PLEKHA7: variants seen among roughly 807,000 people sequenced by gnomAD.
PLEKHA7 encodes the protein pleckstrin homology domain-containing family A member 7.
In PLEKHA7, 104 loss-of-function variants were observed where a neutral mutation model predicts 170.0. That is an observed-to-expected ratio of 0.61 (90% confidence interval 0.52 to 0.72). PLEKHA7 has a LOEUF of 0.72. PLEKHA7 is among the 30% of genes least tolerant of loss of function. The pLI is 0.00. For synonymous variants in PLEKHA7, 648 were observed against 660.8 expected (o/e 0.98, Z 0.30); for missense variants, 1,615 against 1,671.7 (o/e 0.97, Z 0.59).
chr11:16,911,331 G>T (rs2136156312), intron 3 of PLEKHA7, among the ~76,000 whole-genome samples: 1 of 152,314 alleles, frequency 6.6e-6, no homozygotes, highest in South Asian at 2.1e-4. Flanking sequence ...GGCCAGCCAT[G>T]AGACAGAAGC....
At chr11:16,788,534 G>T in intron 23 of PLEKHA7, 5 of 156,036 alleles carry the variant, frequency 3.2e-5, no homozygotes, top group Admixed American at 6.4e-5. Flanking sequence ...GGTGACTGTG[G>T]ACAGGGCGCA....
At chr11:16,798,474 A>G (rs1848385419) in intron 17 of PLEKHA7, among the ~76,000 whole-genome samples, 1 of 152,220 alleles carries the variant, frequency 6.6e-6, no homozygotes, top group African/African-American at 2.4e-5. Context: ...AAGGGGGAAA[A>G]AAAAAAGGAT....
At chr11:16,920,949 C>T (rs750233816) in intron 3 of PLEKHA7, among the ~76,000 whole-genome samples, 2 of 152,150 alleles carry the variant, frequency 1.3e-5, no homozygotes, top group African/African-American at 2.4e-5. Context: ...AGAAAATAAC[C>T]CACAAAGTGA....
intron 3 of PLEKHA7, among the ~76,000 whole-genome samples, chr11:16,903,983 C>T (rs961339873): frequency 7.2e-5 from 11 of 152,180 alleles, no homozygotes; most frequent in Non-Finnish European, 1.3e-4. Context: ...GCCTGCTCTA[C>T]ATTCCTGCTG....
intron 13 of PLEKHA7, among the ~76,000 whole-genome samples, chr11:16,805,789 C>CAAAAAAA (rs11339921): frequency 1.9e-4 from 21 of 111,202 alleles, no homozygotes; most frequent in African/African-American, 6.5e-4. Flanking sequence ...GACTCCATGT[C>CAAAAAAA]AAAAAAAAAA....
chr11:16,906,224 TAGGAAGGAAGGAAGGAAGGA>T lies in PLEKHA7; in HGVS notation c.222-35062_222-35043del, dbSNP rs199992587. On this transcript the variant is annotated intron_variant, in intron 3 of 26. Coordinates refer to ENST00000531066, the MANE Select transcript of PLEKHA7 (RefSeq NM_001329630.2). The stretch of plus-strand genomic sequence containing the variant: ...AAGAGGTGATCAAGTTAAAATGAGG[TAGGAAGGAAGGAAGGAAGGA>T]AGGAAGGAAGGAAGGAAGGAAGGAA... Among the ~76,000 whole-genome samples, 333 of 116,304 alleles carry T rather than the reference TAGGAAGGAAGGAAGGAAGGA, an allele frequency of 2.9e-3. 1 individual carries two copies. The highest frequency in any genetic ancestry group is 8.8e-3 in the Middle Eastern group (2 of 228). The allele number at this position is 116,304 out of a possible 152,430, so 76.3% of individuals were successfully genotyped here.
At chr11:16,917,494 G>A (rs1858775944) in intron 3 of PLEKHA7, among the ~76,000 whole-genome samples, 1 of 152,102 alleles carries the variant, frequency 6.6e-6, no homozygotes, top group East Asian at 1.9e-4. Context: ...GGAGGCCCTA[G>A]GGCAGAATCC....
chr11:16,925,970 TGGC>T (rs1242459442), intron 3 of PLEKHA7, among the ~76,000 whole-genome samples: 2 of 152,250 alleles, frequency 1.3e-5, no homozygotes, highest in Non-Finnish European at 2.9e-5. Context: ...TGCGCTGTTC[TGGC>T]GTCTAGCCAG....
intron 9 of PLEKHA7, among the ~76,000 whole-genome samples, chr11:16,838,392 G>A (rs560197044): frequency 9.2e-5 from 14 of 151,864 alleles, no homozygotes; most frequent in African/African-American, 3.4e-4. Context: ...CCACAGCTGA[G>A]GTCCCAGCTA....
At position 17,014,132 on chromosome 11, in the gene PLEKHA7, G is replaced by C. The variant is rs1333764918; in HGVS notation, c.156C>G (p.Ile52Met). The C allele has an allele frequency of 6.2e-7, 1 of 1,602,922 alleles. No individual in the cohort carries two copies. The highest frequency in any genetic ancestry group is 8.5e-7 in the Non-Finnish European group (1 of 1,176,280). ...TGEPVNSGHM[I>M]RSDLPRGWEE... ...CGCCGGCCCGGCGCCCACCTGAGCG[G>C]ATCATGTGGCCCGAGTTGACGGGCT... Residue 52 changes from isoleucine to methionine, a missense_variant, in exon 2 of 27, where the codon ATC becomes ATG. Ile to Met is a conservative substitution (Grantham distance 10). Coordinates refer to ENST00000531066, the MANE Select transcript of PLEKHA7 (RefSeq NM_001329630.2).
intron 3 of PLEKHA7, among the ~76,000 whole-genome samples, chr11:16,878,398 A>G (rs1855468265): frequency 6.6e-6 from 1 of 152,120 alleles, no homozygotes; most frequent in South Asian, 2.1e-4. Context: ...TACTTTACAC[A>G]CAGAGTAAAA....
chr11:16,806,137 A>G (rs1325701528), intron 13 of PLEKHA7, among the ~76,000 whole-genome samples: 1 of 152,212 alleles, frequency 6.6e-6, no homozygotes, highest in Non-Finnish European at 1.5e-5. Context: ...ATGTTTGCTC[A>G]GTGAGTTCAT....
intron 10 of PLEKHA7, among the ~76,000 whole-genome samples, chr11:16,822,588 G>C (rs750789894): frequency 6.6e-6 from 1 of 151,352 alleles, no homozygotes; most frequent in Non-Finnish European, 1.5e-5. Context: ...CTGCTGACTG[G>C]ACTCCTTCCA....
At chr11:16,972,045 A>G (rs949134962) in intron 3 of PLEKHA7, among the ~76,000 whole-genome samples, 1 of 151,680 alleles carries the variant, frequency 6.6e-6, no homozygotes, top group African/African-American at 2.4e-5. Flanking sequence ...CTGGTCTTGG[A>G]CTCCAGGCCT....
intron 3 of PLEKHA7, among the ~76,000 whole-genome samples, chr11:16,915,054 C>A (rs1858535419): frequency 6.6e-6 from 1 of 152,198 alleles, no homozygotes; most frequent in Non-Finnish European, 1.5e-5. Flanking sequence ...CCCACAGATG[C>A]AAATATAATA....
chr11:16,791,339 C>T lies in PLEKHA7; in HGVS notation c.2746-140G>A. ...GAACATGACTGCCTCAGCCAAGGAGCACTCACACTTCCCCTGGCGGAGCAG... is the reference window on the plus strand; with the variant it reads ...GAACATGACTGCCTCAGCCAAGGAGTACTCACACTTCCCCTGGCGGAGCAG... On this transcript the variant is annotated intron_variant, in intron 19 of 26. Coordinates refer to ENST00000531066, the MANE Select transcript of PLEKHA7 (RefSeq NM_001329630.2). This position sits in a 1 kb window ranked among gnomAD's most constrained non-coding sequence, Gnocchi z 4.5. The T allele has an allele frequency of 1.3e-6, 1 of 748,572 alleles. No homozygotes were observed. Among genetic ancestry groups the T allele is most frequent in the Non-Finnish European group, 2.2e-6 (1 of 460,714 alleles). The allele number at this position is 748,572 out of a possible 1,614,324, so 46.4% of individuals were successfully genotyped here.
rs1312770465 is a variant in PLEKHA7, at chr11:16,789,920, T to C, written c.3053-42A>G. 4 of 1,542,648 alleles carry C rather than the reference T, an allele frequency of 2.6e-6. No individual in the cohort carries two copies. The highest frequency in any genetic ancestry group is 4.5e-5 in the East Asian group (2 of 44,478). On this transcript the variant is annotated intron_variant, in intron 21 of 26. Coordinates refer to ENST00000531066, the MANE Select transcript of PLEKHA7 (RefSeq NM_001329630.2). This position sits in a 1 kb window ranked among gnomAD's most constrained non-coding sequence, Gnocchi z 4.6. Reference sequence around the variant, plus strand: ...AAGTGCAAGCATGTTTGTGCTGGGGTGGATGGGTCCCTGCTTCTCCCTCAT... The same window carrying C: ...AAGTGCAAGCATGTTTGTGCTGGGGCGGATGGGTCCCTGCTTCTCCCTCAT...
At position 16,835,328 on chromosome 11, in the gene PLEKHA7, A is replaced by C. The variant is rs571787309; in HGVS notation, c.872+6219T>G. ...TTAGCTCTGCTCCTGGGCCAGAAGA[A>C]TAGGAAGAGGCTGGGGGAAGTGGGA... On this transcript the variant is annotated intron_variant, in intron 9 of 26. Transcript: ENST00000531066. Among the ~76,000 whole-genome samples the C allele has an allele frequency of 7.2e-5, 11 of 152,308 alleles. No homozygotes were observed. In the South Asian group the frequency reaches 2.3e-3, roughly 32 times the overall value.
intron 1 of PLEKHA7, 44 bp from the exon 2 acceptor site, chr11:17,014,245 C>T: frequency 7.1e-7 from 1 of 1,415,376 alleles, no homozygotes; most frequent in Non-Finnish European, 9.2e-7. Context: ...CACAGCCCGC[C>T]GGGTGCCCGC....
Sources: allele counts gnomAD v4.1 joint callset (sites outside exome capture counted in the v4.1 genomes callset), GRCh38; gene constraint gnomAD v4.1.1; non-coding constraint Gnocchi (gnomAD v3.1); transcripts MANE v1.5; gene names NCBI Gene and HGNC (gene_info 2026-07-23, HGNC 2026-07-21).